The following KIAA0319 variants were observed in gnomAD, a reference collection of about 807,000 sequenced individuals.
KIAA0319 encodes the protein KIAA0319, also known as dyslexia-associated protein KIAA0319.
In KIAA0319, 83 loss-of-function variants were observed where a neutral mutation model predicts 108.4. That is an observed-to-expected ratio of 0.77 (90% CI 0.64 to 0.92). The LOEUF (loss-of-function observed/expected upper bound fraction) is 0.92. Among genes scored for constraint, KIAA0319 ranks in the 40% least tolerant of loss-of-function variants. The pLI, the probability that KIAA0319 is intolerant of heterozygous loss-of-function variation, is 0.00. For missense variants in KIAA0319, 1,195 were observed against 1,322.4 expected (o/e 0.90, Z 1.49); for synonymous variants, 484 against 510.4 (o/e 0.95, Z 0.70).
intron 3 of KIAA0319, among the ~76,000 whole-genome samples, chr6:24,592,492 G>T (rs938587992): frequency 6.6e-6 from 1 of 152,008 alleles, no homozygotes. Context: ...TCTCTCACCC[G>T]TAGCCTCAAG....
At chr6:24,567,813 A>G (rs1192126451) in intron 13 of KIAA0319, among the ~76,000 whole-genome samples, 1 of 152,200 alleles carries the variant, frequency 6.6e-6, no homozygotes, top group African/African-American at 2.4e-5. Flanking sequence ...GGAGATCATA[A>G]TAAGACACAG....
intron 1 of KIAA0319, among the ~76,000 whole-genome samples, chr6:24,615,052 A>G (rs1039310183): frequency 3.3e-5 from 5 of 152,246 alleles, no homozygotes; most frequent in Non-Finnish European, 7.3e-5. Context: ...AATCTCCTGA[A>G]TAATTAAAAG....
At chr6:24,583,803 CAT>C (rs746845466) in intron 4 of KIAA0319, 101 bp from the exon 5 acceptor site, 2 of 760,190 alleles carry the variant, frequency 2.6e-6, no homozygotes, top group South Asian at 1.7e-5. Context: ...ATTAAAATAA[CAT>C]ATGCTTTTGT....
intron 3 of KIAA0319, among the ~76,000 whole-genome samples, chr6:24,591,822 G>A (rs535153390): frequency 6.6e-5 from 10 of 151,988 alleles, no homozygotes; most frequent in Non-Finnish European, 1.5e-4. Context: ...TGTGCTTCTT[G>A]GCTATTCTTC....
Position 24,641,460 on chromosome 6 carries a change from G to A in KIAA0319, c.-106+4276C>T, listed in dbSNP as rs541504604. 9.2e-5 allele frequency among the ~76,000 whole-genome samples: 14 copies of A among 152,328 alleles called. No homozygotes were observed. In the South Asian group the frequency reaches 2.3e-3, roughly 25 times the overall value. On this transcript the variant is annotated intron_variant, in intron 1 of 20. Coordinates refer to ENST00000378214, the MANE Select transcript of KIAA0319 (RefSeq NM_014809.4). ...AGTGCAAATGGTCAAACAGGTGGAA[G>A]AAGTCTAGTAAAATGAAGTCAGAAA...
chr6:24,618,556 G>A (rs1049564448), intron 1 of KIAA0319, among the ~76,000 whole-genome samples: 10 of 152,030 alleles, frequency 6.6e-5, no homozygotes, highest in Non-Finnish European at 1.0e-4. Context: ...AATGAGCCAT[G>A]ATCACACCAC....
chr6:24,629,357 T>C (rs1450337202), intron 1 of KIAA0319, among the ~76,000 whole-genome samples: 1 of 151,134 alleles, frequency 6.6e-6, no homozygotes, highest in Non-Finnish European at 1.5e-5. Flanking sequence ...CTACTAAAAA[T>C]ACAAAAAATT....
chr6:24,556,973 G>A (rs1027031274), intron 17 of KIAA0319, among the ~76,000 whole-genome samples: 4 of 152,202 alleles, frequency 2.6e-5, no homozygotes, highest in African/African-American at 7.2e-5. Flanking sequence ...TTGGGAGGCC[G>A]AGGTGGGCAG....
chr6:24,568,247 T>C (rs918769883), intron 13 of KIAA0319, among the ~76,000 whole-genome samples: 2 of 152,228 alleles, frequency 1.3e-5, no homozygotes, highest in Admixed American at 6.5e-5. Context: ...CATTCACTAA[T>C]TCATTCAACA....
intron 5 of KIAA0319, among the ~76,000 whole-genome samples, chr6:24,582,878 G>A (rs1281857376): frequency 5.3e-5 from 8 of 152,098 alleles, no homozygotes; most frequent in Non-Finnish European, 1.0e-4. Flanking sequence ...AGATGAAACT[G>A]TCTCCCAGCT....
chr6:24,592,790 G>A (rs1768716440), intron 3 of KIAA0319, among the ~76,000 whole-genome samples: 1 of 152,102 alleles, frequency 6.6e-6, no homozygotes, highest in African/African-American at 2.4e-5. Context: ...GGGCAACATA[G>A]CGAAATCCCA....
chr6:24,609,831 T>C (rs1410174073), intron 1 of KIAA0319, among the ~76,000 whole-genome samples: 3 of 152,020 alleles, frequency 2.0e-5, no homozygotes, highest in African/African-American at 7.2e-5. Flanking sequence ...GACAATTCAA[T>C]GGGGAAAGAA....
chr6:24,593,936 C>T (rs1263480066), intron 3 of KIAA0319, among the ~76,000 whole-genome samples: 2 of 151,502 alleles, frequency 1.3e-5, no homozygotes, highest in Non-Finnish European at 2.9e-5. Flanking sequence ...TGCAGTGGCT[C>T]ATGCCTGTAA....
At chr6:24,627,266 T>C (rs1183819303) in intron 1 of KIAA0319, among the ~76,000 whole-genome samples, 1 of 152,196 alleles carries the variant, frequency 6.6e-6, no homozygotes, top group Non-Finnish European at 1.5e-5. Flanking sequence ...GACATCCTTA[T>C]GTGTACAGTG....
intron 1 of KIAA0319, among the ~76,000 whole-genome samples, chr6:24,626,970 T>C (rs1311872140): frequency 6.6e-6 from 1 of 152,120 alleles, no homozygotes; most frequent in Non-Finnish European, 1.5e-5. Context: ...GGTGCCAAAC[T>C]CCAGCAACAT....
At chr6:24,579,392 C>T (rs571672360) in intron 8 of KIAA0319, among the ~76,000 whole-genome samples, 18 of 133,150 alleles carry the variant, frequency 1.4e-4, no homozygotes, top group Non-Finnish European at 2.2e-4. Flanking sequence ...AGTCAGGTCA[C>T]GGGAGCTCCT....
chr6:24,591,914 G>A (rs922361977), intron 3 of KIAA0319, among the ~76,000 whole-genome samples: 1 of 151,982 alleles, frequency 6.6e-6, no homozygotes, highest in African/African-American at 2.4e-5. Flanking sequence ...TAAGTTGTAA[G>A]AGTTATTTAT....
At chr6:24,567,601 T>C (rs1380510366) in intron 13 of KIAA0319, among the ~76,000 whole-genome samples, 1 of 152,052 alleles carries the variant, frequency 6.6e-6, no homozygotes, top group Non-Finnish European at 1.5e-5. Flanking sequence ...CTCAGGAAGC[T>C]GAGGTGAGAG....
At chr6:24,626,199 T>G (rs749758992) in intron 1 of KIAA0319, among the ~76,000 whole-genome samples, 13 of 152,208 alleles carry the variant, frequency 8.5e-5, no homozygotes, top group Non-Finnish European at 1.6e-4. Flanking sequence ...AGGAATGGCA[T>G]GTGACAGACT....
Sources: allele counts gnomAD v4.1 joint callset (sites outside exome capture counted in the v4.1 genomes callset), GRCh38; gene constraint gnomAD v4.1.1; transcripts MANE v1.5; gene names NCBI Gene and HGNC (gene_info 2026-07-23, HGNC 2026-07-21).